SBF1: variants seen among roughly 807,000 people sequenced by gnomAD.
SBF1 encodes myotubularin-related protein 5.
Under a neutral mutation model 215.8 loss-of-function variants are expected in SBF1, and 65 were observed. The ratio of observed to expected loss-of-function variants is 0.30; its 90% CI spans 0.25 to 0.37. The LOEUF is 0.37. Among genes scored for constraint, SBF1 ranks in the 10% least tolerant of loss-of-function variants. The pLI, the probability that SBF1 is intolerant of heterozygous loss-of-function variation, is 1.00. For missense variants in SBF1, 2,634 were observed against 2,667.8 expected, an observed-to-expected ratio of 0.99 and a Z score of 0.28; for synonymous variants, 1,410 against 1,122.8, an observed-to-expected ratio of 1.26 and a Z score of -5.11.
At chr22:50,447,486 TC>T (rs1170805872) in intron 39 of SBF1, 33 bp from the exon 40 acceptor site, 17 of 1,419,738 alleles carry the variant, frequency 1.2e-5, no homozygotes, top group Admixed American at 5.1e-5. Context: ...CGGAGCCCCC[TC>T]CCCCGTGAGT....
intron 1 of SBF1, among the ~76,000 whole-genome samples, chr22:50,472,612 T>C (rs1437069391): frequency 2.6e-5 from 4 of 152,188 alleles, no homozygotes; most frequent in African/African-American, 9.7e-5. Context: ...GAGGTTAGCA[T>C]GACTCACTCC....
At position 50,446,978 on chromosome 22, in the gene SBF1, C is replaced by T; in HGVS notation, c.*164G>A. The T allele has an allele frequency of 2.7e-6, 2 of 733,340 alleles. No homozygotes were observed. Among genetic ancestry groups the T allele is most frequent in the Non-Finnish European group, 4.8e-6 (2 of 418,588 alleles). 45.4% of individuals were successfully genotyped at this position (733,340 alleles called of 1,614,324 possible). On this transcript the variant is annotated 3_prime_UTR_variant, in exon 41 of 41. Coordinates refer to ENST00000380817, the MANE Select transcript of SBF1 (RefSeq NM_002972.4). ...TGACGCCAAAATAAGTTAGGGCCGGCCGGGCGGGGCGGGGCGGGGACGGGG... is the reference window on the plus strand; with the variant it reads ...TGACGCCAAAATAAGTTAGGGCCGGTCGGGCGGGGCGGGGCGGGGACGGGG...
Position 50,464,530 on chromosome 22 carries a change from G to A in SBF1, c.1636+4C>T, listed in dbSNP as rs564915156. The A allele has an allele frequency of 1.2e-5, 20 of 1,606,284 alleles. No homozygotes were observed. The highest frequency in any genetic ancestry group is 3.3e-5 in the South Asian group (3 of 90,346). Reference sequence around the variant, plus strand: ...GGCCTGCCTTCCCCTCCCTCATTACGCACTCATGGGGGGCCCTGAGGGCAC... The same window carrying A: ...GGCCTGCCTTCCCCTCCCTCATTACACACTCATGGGGGGCCCTGAGGGCAC... On this transcript the variant is annotated splice_donor_region_variant and intron_variant, in intron 14 of 40. Coordinates refer to ENST00000380817, the MANE Select transcript of SBF1 (RefSeq NM_002972.4).
chr22:50,467,720 G>T (rs770013867), intron 3 of SBF1, 30 bp from the exon 4 acceptor site: 10 of 1,607,032 alleles, frequency 6.2e-6, no homozygotes. Context: ...GACGGGGGCA[G>T]GGGGAGTTGG....
Position 50,448,220 on chromosome 22 carries a change from G to C in SBF1, c.5363+13C>G. On this transcript the variant is annotated intron_variant, in intron 38 of 40. Transcript: ENST00000380817. ...CAGAGGTGTCCATGTGGCAGTGGGAGGTGCCCTCATACCTGTTCTCACTCT... is the reference window on the plus strand; with the variant it reads ...CAGAGGTGTCCATGTGGCAGTGGGACGTGCCCTCATACCTGTTCTCACTCT... 1 of 1,609,202 alleles carries C rather than the reference G, an allele frequency of 6.2e-7. No homozygotes were observed. The highest frequency in any genetic ancestry group is 1.3e-5 in the African/African-American group (1 of 74,982).
Position 50,462,600 on chromosome 22 carries a change from C to T in SBF1, c.2086G>A (p.Ala696Thr). 1 of 1,612,338 alleles carries T rather than the reference C, an allele frequency of 6.2e-7. No individual in the cohort carries two copies. The highest frequency in any genetic ancestry group is 8.5e-7 in the Non-Finnish European group (1 of 1,179,672). ...TCCTCCGTGGGCTCCAGGTAGAGGG[C>T]CCGGATGTGAGTCTGCACATCCCCA... is the stretch of plus-strand genomic sequence containing the variant. ...FYGDVQTHIR[A>T]LYLEPTEDLA... Residue 696 changes from alanine (A) to threonine (T), a missense_variant, in exon 18 of 41, where the codon GCC becomes ACC. Transcript: ENST00000380817.
In SBF1 at chr22:50,455,294, G is replaced by A. The variant is rs780944892; in HGVS notation, c.4484C>T (p.Ala1495Val). The change falls in exon 33 of 41, where the codon GCT becomes GTT. Residue 1495 changes from alanine to valine, a missense_variant. Coordinates refer to ENST00000380817, the MANE Select transcript of SBF1 (RefSeq NM_002972.4). ...SFGHRFSHRGAHTLAGQSSGF... is the reference protein window; with the variant it reads ...SFGHRFSHRGVHTLAGQSSGF... ...GCTGCTCTGCCCGGCCAGGGTGTGA[G>A]CTCCACGGTGGCTGAAGCGATGGCC... 6.2e-7 allele frequency: 1 copy of A among 1,613,518 alleles called. No homozygotes were observed. Among genetic ancestry groups the A allele is most frequent in the Non-Finnish European group, 8.5e-7 (1 of 1,179,926 alleles).
In SBF1 at chr22:50,464,052, G is replaced by C. The variant is rs554670595; in HGVS notation, c.1749+277C>G. On this transcript the variant is annotated intron_variant, in intron 15 of 40. Coordinates refer to ENST00000380817, the MANE Select transcript of SBF1 (RefSeq NM_002972.4). ...ATGGGCCTACCCAATTTAAGGGGAAGGACACAGACGAAACATAATAGTGAA... is the reference window on the plus strand; with the variant it reads ...ATGGGCCTACCCAATTTAAGGGGAACGACACAGACGAAACATAATAGTGAA... 2.0e-5 allele frequency among the ~76,000 whole-genome samples: 3 copies of C among 152,336 alleles called. No homozygotes were observed. In the South Asian group the frequency reaches 6.2e-4, roughly 32 times the overall value.
intron 28 of SBF1, among the ~76,000 whole-genome samples, chr22:50,458,365 A>G (rs886215194): frequency 4.6e-5 from 7 of 151,080 alleles, no homozygotes; most frequent in Non-Finnish European, 1.0e-4. Context: ...AGCTGAGTGA[A>G]GCTTGAGCCC....
At chr22:50,464,048 G>A (rs182564791) in intron 15 of SBF1, among the ~76,000 whole-genome samples, 2 of 152,320 alleles carry the variant, frequency 1.3e-5, no homozygotes, top group East Asian at 3.9e-4. Context: ...CAATTTAAGG[G>A]GAAGGACACA....
intron 12 of SBF1, 30 bp downstream of exon 12, chr22:50,464,971 G>A (rs2067685863): frequency 5.0e-6 from 8 of 1,613,754 alleles, no homozygotes; most frequent in Non-Finnish European, 6.8e-6. Flanking sequence ...AGCCAGGGCA[G>A]GGGGCTGGGA....
chr22:50,474,824 T>C lies in SBF1; in HGVS notation c.17A>G (p.Asp6Gly). The change falls in exon 1 of 41, where the codon GAC becomes GGC. Residue 6 changes from aspartate (D) to glycine (G), a missense_variant. Transcript: ENST00000380817. ...CCCGAACGCCACCAGCACGAAGTAG[T>C]CCGCGAGCCGCGCCATGGCGAGGGA... MARLA[D>G]YFVLVAFGPH... 1 of 1,421,660 alleles carries C rather than the reference T, an allele frequency of 7.0e-7. No homozygotes were observed. The highest frequency in any genetic ancestry group is 9.2e-7 in the Non-Finnish European group (1 of 1,089,640). 88.1% of individuals were successfully genotyped at this position (1,421,660 alleles called of 1,614,324 possible). A position where few individuals can be genotyped will look rare whatever the true frequency, so the allele number is the denominator to read the frequency against.
At position 50,466,494 on chromosome 22, in the gene SBF1, AGAG is replaced by A. The variant is rs1379272243; in HGVS notation, c.656-15_656-13del. 1.9e-6 allele frequency: 3 copies of A among 1,540,098 alleles called. No homozygotes were observed. Among genetic ancestry groups the A allele is most frequent in the Non-Finnish European group, 2.6e-6 (3 of 1,138,988 alleles). The stretch of plus-strand genomic sequence containing the variant: ...CACGTTGGTGATGCCTAAAGGAAGA[AGAG>A]AAGCTTGGAGAGGACCCTGGGCCCC... On this transcript the variant is annotated splice_polypyrimidine_tract_variant and intron_variant, in intron 6 of 40. Transcript: ENST00000380817.
chr22:50,466,637 C>A lies in SBF1; in HGVS notation c.623G>T (p.Arg208Leu), dbSNP rs1216976197. 2 of 1,552,496 alleles carry A rather than the reference C, an allele frequency of 1.3e-6. No individual in the cohort carries two copies. The highest frequency in any genetic ancestry group is 1.7e-4 in the Middle Eastern group (1 of 5,986). ...GCGGAAGAGCAGGGCCACGCTGCAG[C>A]GGCTGACGGGCAGCGAGTCGGCCAG... is the stretch of plus-strand genomic sequence containing the variant. ...TPLADSLPVS[R>L]CSVALLFRQL... is the part of the protein sequence containing the mutation. The change falls in exon 6 of 41, where the codon CGC becomes CTC. Residue 208 changes from arginine (R) to leucine (L), a missense_variant. By Grantham distance (102) the Arg-to-Leu change is moderately radical. Transcript: ENST00000380817.
chr22:50,464,677 A>C lies in SBF1; in HGVS notation c.1493T>G (p.Leu498Arg). 1 of 1,607,796 alleles carries C rather than the reference A, an allele frequency of 6.2e-7. No individual in the cohort carries two copies. Among genetic ancestry groups the C allele is most frequent in the Non-Finnish European group, 8.5e-7 (1 of 1,179,722 alleles). The change falls in exon 14 of 41, where the codon CTG (leucine) becomes CGG (arginine). Residue 498 changes from leucine (L) to arginine (R), a missense_variant. Leu to Arg is a moderately radical substitution (Grantham distance 102). Coordinates refer to ENST00000380817, the MANE Select transcript of SBF1 (RefSeq NM_002972.4). ...GGGGAAGGGTCGGGGCACCCGTCGCAGGTGGCTGCTCTCACCGGGCCTCTG... is the reference window on the plus strand; with the variant it reads ...GGGGAAGGGTCGGGGCACCCGTCGCCGGTGGCTGCTCTCACCGGGCCTCTG... ...KVQRPGESSH[L>R]RRVPRPFPRL...
chr22:50,459,440 G>A, intron 27 of SBF1, 30 bp downstream of exon 27: 2 of 1,611,978 alleles, frequency 1.2e-6, no homozygotes, highest in Non-Finnish European at 1.7e-6. Context: ...GATAGGGCAG[G>A]GCAGGCACAG....
intron 36 of SBF1, among the ~76,000 whole-genome samples, chr22:50,449,773 C>A (rs1043524239): frequency 6.6e-6 from 1 of 152,188 alleles, no homozygotes; most frequent in African/African-American, 2.4e-5. Context: ...CGGCTGACTT[C>A]AAAAGAGAAA....
chr22:50,448,822 C>T (rs1026876012), intron 36 of SBF1, among the ~76,000 whole-genome samples, 172 bp from the exon 37 acceptor site: 4 of 152,138 alleles, frequency 2.6e-5, no homozygotes, highest in East Asian at 1.9e-4. Context: ...AATGAATATT[C>T]GGAGACAACA....
chr22:50,447,678 G>A (rs1024651736), intron 38 of SBF1, 69 bp from the exon 39 acceptor site: 21 of 1,182,806 alleles, frequency 1.8e-5, no homozygotes, highest in South Asian at 5.2e-5. Flanking sequence ...CCCAGCAGTC[G>A]TCCCCCCCTT....
Sources: gnomAD v4.1 joint callset for allele counts (sites outside exome capture counted in the v4.1 genomes callset) on GRCh38, gnomAD v4.1.1 for gene constraint, MANE v1.5 for transcripts, NCBI Gene and HGNC (gene_info 2026-07-23, HGNC 2026-07-21) for gene names.